The following ELMO1 variants were observed in gnomAD, a reference collection of about 807,000 sequenced individuals.
The protein encoded by ELMO1 is engulfment and cell motility 1.
ELMO1 carries 26 observed loss-of-function variants against 98.9 expected under a neutral mutation model. The ratio of observed to expected loss-of-function variants is 0.26; its 90% CI spans 0.19 to 0.36. ELMO1 has a LOEUF of 0.36. Ranked by LOEUF, ELMO1 falls within the 10% of genes least tolerant of loss-of-function variation. ELMO1 has a pLI of 1.00. For missense variants in ELMO1, 627 were observed against 935.2 expected (o/e 0.67, Z 4.30); for synonymous variants, 346 against 346.0 (o/e 1.00, Z 0.00).
At chr7:37,309,495 C>A (rs1387764119) in intron 4 of ELMO1, among the ~76,000 whole-genome samples, 1 of 152,222 alleles carries the variant, frequency 6.6e-6, no homozygotes, top group Non-Finnish European at 1.5e-5. Context: ...TAGCCCAGGG[C>A]TGCTGGTGTG....
At chr7:36,898,590 G>A (rs1806227943) in intron 16 of ELMO1, among the ~76,000 whole-genome samples, 1 of 152,210 alleles carries the variant, frequency 6.6e-6, no homozygotes, top group South Asian at 2.1e-4. Flanking sequence ...ATGGAATCAA[G>A]CATTCTGGCA....
At chr7:36,985,202 C>G (rs1168431821) in intron 16 of ELMO1, 2 of 793,312 alleles carry the variant, frequency 2.5e-6, no homozygotes, top group Non-Finnish European at 3.1e-6. Flanking sequence ...AGAGCCAATC[C>G]TTGAATATAA....
chr7:37,271,191 G>T, intron 5 of ELMO1: 1 of 152,536 alleles, frequency 6.6e-6, no homozygotes, highest in Non-Finnish European at 1.5e-5. Flanking sequence ...CACCTGCCTC[G>T]GCCTCCCAAA....
At chr7:37,307,064 C>T (rs1486317657) in intron 4 of ELMO1, among the ~76,000 whole-genome samples, 1 of 152,226 alleles carries the variant, frequency 6.6e-6, no homozygotes. Flanking sequence ...CCTTAATTAT[C>T]TTTCTCATTG....
At chr7:37,030,959 T>A (rs1022544103) in intron 15 of ELMO1, among the ~76,000 whole-genome samples, 3 of 152,196 alleles carry the variant, frequency 2.0e-5, no homozygotes, top group African/African-American at 7.2e-5. Context: ...TGACAAAACA[T>A]AACTCCTATT....
intron 21 of ELMO1, among the ~76,000 whole-genome samples, chr7:36,860,431 G>A (rs1036740334): frequency 1.3e-5 from 2 of 152,166 alleles, no homozygotes; most frequent in Non-Finnish European, 2.9e-5. Flanking sequence ...GAAGGAAAGT[G>A]GTCTGAAGTA....
rs200674918 is a variant in ELMO1, at chr7:37,083,595, GC to G, written c.1300+13023del. 7.4e-4 allele frequency among the ~76,000 whole-genome samples: 113 copies of G among 152,300 alleles called. 1 individual carries two copies. The East Asian group carries it at 0.018, about 25-fold the overall frequency. ...GCCACAGCTGCAATCTGTTCTTGCG[GC>G]CAAAACCCTTGGGAAGCCAAATTAA... is the stretch of plus-strand genomic sequence containing the variant. On this transcript the variant is annotated intron_variant, in intron 15 of 21. Coordinates refer to ENST00000310758, the MANE Select transcript of ELMO1 (RefSeq NM_014800.11).
chr7:37,138,894 T>C (rs1787437358), intron 13 of ELMO1, among the ~76,000 whole-genome samples: 1 of 152,198 alleles, frequency 6.6e-6, no homozygotes, highest in Admixed American at 6.5e-5. Context: ...GTGGGTTTCA[T>C]ACCAGGGATG....
intron 8 of ELMO1, among the ~76,000 whole-genome samples, chr7:37,227,692 C>T (rs188067844): frequency 1.2e-3 from 181 of 152,266 alleles, no homozygotes; most frequent in Middle Eastern, 3.4e-3. Context: ...AGCCTACACT[C>T]AGTGTTTTCT....
intron 13 of ELMO1, among the ~76,000 whole-genome samples, chr7:37,152,112 G>A (rs962410637): frequency 6.6e-6 from 1 of 152,184 alleles, no homozygotes; most frequent in East Asian, 1.9e-4. Context: ...AGATTAGATG[G>A]AGTCAAAAAC....
chr7:37,197,662 G>A (rs1258908000), intron 13 of ELMO1, among the ~76,000 whole-genome samples: 1 of 152,222 alleles, frequency 6.6e-6, no homozygotes, highest in Non-Finnish European at 1.5e-5. Context: ...TGGGAAGCAG[G>A]TAACTGGATC....
chr7:36,853,623 G>A lies in ELMO1; in HGVS notation c.*1928C>T, dbSNP rs1802001163. 6.6e-6 allele frequency among the ~76,000 whole-genome samples: 1 copy of A among 152,188 alleles called. No homozygotes were observed. On this transcript the variant is annotated 3_prime_UTR_variant, in exon 22 of 22. Transcript: ENST00000310758. ...AAGAAGGAACCCCTGTGAATGCAAA[G>A]GACTTTTTTCCTGCAATGCATGCAG...
chr7:37,446,035 C>A (rs1805598143), intron 1 of ELMO1, among the ~76,000 whole-genome samples: 2 of 152,152 alleles, frequency 1.3e-5, no homozygotes, highest in African/African-American at 2.4e-5. Context: ...CTACTCAAGG[C>A]AGAACAGAGT....
rs1400600736 is a variant in ELMO1, at chr7:37,110,463, C to T, written c.1192-13736G>A. Among the ~76,000 whole-genome samples, 6 of 152,136 alleles carry T rather than the reference C, an allele frequency of 3.9e-5. No homozygotes were observed. In the South Asian group the frequency reaches 8.3e-4, roughly 21 times the overall value. On this transcript the variant is annotated intron_variant, in intron 14 of 21. Transcript: ENST00000310758. ...TTTGCAAAATGATTTATTTTAAGTA[C>T]GTTTCTAAAAACATAAACGTTAAGT...
chr7:37,312,039 A>G (rs1178679805), intron 4 of ELMO1, among the ~76,000 whole-genome samples: 1 of 152,258 alleles, frequency 6.6e-6, no homozygotes, highest in Admixed American at 6.5e-5. Context: ...ATAATTTTCA[A>G]ATTATGCCAA....
intron 13 of ELMO1, among the ~76,000 whole-genome samples, chr7:37,147,156 A>C (rs540728883): frequency 6.6e-6 from 1 of 152,322 alleles, no homozygotes; most frequent in African/African-American, 2.4e-5. Context: ...TGGCTCATGA[A>C]TAATTCATGA....
intron 4 of ELMO1, among the ~76,000 whole-genome samples, chr7:37,286,697 A>G (rs1229442571): frequency 6.6e-6 from 1 of 152,226 alleles, no homozygotes; most frequent in African/African-American, 2.4e-5. Context: ...GGCAGAGGAA[A>G]TAAATACAAG....
At chr7:37,052,675 T>C (rs573433193) in intron 15 of ELMO1, among the ~76,000 whole-genome samples, 1 of 152,300 alleles carries the variant, frequency 6.6e-6, no homozygotes, top group Admixed American at 6.5e-5. Context: ...CTCATCTTTC[T>C]TGAGAGAGAG....
At chr7:37,237,574 A>C (rs1478156366) in intron 7 of ELMO1, among the ~76,000 whole-genome samples, 1 of 152,176 alleles carries the variant, frequency 6.6e-6, no homozygotes, top group Admixed American at 6.5e-5. Flanking sequence ...ACAGGCGTGA[A>C]CCACCATGCC....
Sources: gnomAD v4.1 joint callset for allele counts (sites outside exome capture counted in the v4.1 genomes callset) on GRCh38, gnomAD v4.1.1 for gene constraint, MANE v1.5 for transcripts, NCBI Gene and HGNC (gene_info 2026-07-23, HGNC 2026-07-21) for gene names.